Variants in MAP3K11 observed in about 807,000 individuals in gnomAD.
MAP3K11 encodes SH3 domain-containing proline-rich kinase.
Under a neutral mutation model 84.9 loss-of-function variants are expected in MAP3K11, and 46 were observed. The observed-to-expected ratio is 0.54, with a 90% CI of 0.43 to 0.69. MAP3K11 has a LOEUF of 0.69. Ranked by LOEUF, MAP3K11 falls within the 30% of genes least tolerant of loss-of-function variation. The pLI is 0.00. For missense variants in MAP3K11, 1,053 were observed against 1,198.3 expected (o/e 0.88, Z 1.79); for synonymous variants, 527 against 514.7 (o/e 1.02, Z -0.32).
chr11:65,612,907 C>G (rs1327351351), intron 1 of MAP3K11, 111 bp downstream of exon 1: 2 of 1,322,302 alleles, frequency 1.5e-6, no homozygotes, highest in Admixed American at 6.1e-5. Context: ...CTGGGACCCC[C>G]TAGGGTGGGA....
chr11:65,602,581 G>A (rs540482803), intron 8 of MAP3K11, among the ~76,000 whole-genome samples: 2 of 152,170 alleles, frequency 1.3e-5, no homozygotes, highest in South Asian at 4.1e-4. Flanking sequence ...GGGAGGTGGA[G>A]GTTGTAGTGA....
intron 2 of MAP3K11, 23 bp from the exon 3 acceptor site, chr11:65,608,093 G>T (rs752831657): frequency 6.2e-7 from 1 of 1,610,036 alleles, no homozygotes. Flanking sequence ...CAACAGGTCT[G>T]TGTTCCCTTT....
Position 65,613,626 on chromosome 11 carries a change from G to C in MAP3K11, c.131C>G (p.Pro44Arg). 6.2e-7 allele frequency: 1 copy of C among 1,612,984 alleles called. No individual in the cohort carries two copies. The highest frequency in any genetic ancestry group is 8.5e-7 in the Non-Finnish European group (1 of 1,179,992). Reference protein sequence around the residue: ...GSPKAAGYANPVWTALFDYEP... With the variant: ...GSPKAAGYANRVWTALFDYEP... ...GTAGTCGAACAGGGCTGTCCACACC[G>C]GGTTGGCATAACCCGCTGCCTTTGG... The change falls in exon 1 of 10, where the codon CCG becomes CGG. Residue 44 changes from proline to arginine, a missense_variant. Coordinates refer to ENST00000309100, the MANE Select transcript of MAP3K11 (RefSeq NM_002419.4).
In MAP3K11 at chr11:65,607,937, C is replaced by T. The variant is rs1218144252; in HGVS notation, c.1054G>A (p.Ala352Thr). 3.2e-5 allele frequency: 52 copies of T among 1,613,998 alleles called. No homozygotes were observed. The highest frequency in any genetic ancestry group is 4.1e-5 in the Non-Finnish European group (48 of 1,179,954). The change falls in exon 3 of 10, where the codon GCA (alanine) becomes ACA (threonine). Residue 352 changes from alanine to threonine, a missense_variant. Physicochemically the swap from Ala to Thr is moderately conservative, Grantham distance 58. Transcript: ENST00000309100. ...PIPSTCPEPF[A>T]QLMADCWAQD... ...GTCCTCTTACCGGCCATAAGCTGTG[C>T]GAAGGGCTCGGGGCAGGTGGATGGG... is the stretch of plus-strand genomic sequence containing the variant.
In MAP3K11 at chr11:65,612,867, T is replaced by G. The variant is rs1590859259; in HGVS notation, c.739+151A>C. 3 of 823,066 alleles carry G rather than the reference T, an allele frequency of 3.6e-6. No individual in the cohort carries two copies. In the East Asian group the frequency reaches 9.5e-5, roughly 26 times the overall value. 51.0% of individuals were successfully genotyped at this position (823,066 alleles called of 1,614,324 possible). A position where few individuals can be genotyped will look rare whatever the true frequency, so the allele number is the denominator to read the frequency against. ...GGTGCCTGGGGCTCTGTTTGGGGGC[T>G]AGCTTGAGCCCATGGGCACCCCTGG... On this transcript the variant is annotated intron_variant, in intron 1 of 9. Coordinates refer to ENST00000309100, the MANE Select transcript of MAP3K11 (RefSeq NM_002419.4).
intron 1 of MAP3K11, chr11:65,611,574 T>A (rs573898636): frequency 6.6e-6 from 1 of 152,468 alleles, no homozygotes; most frequent in East Asian, 1.9e-4. Flanking sequence ...TCCAGGCTCC[T>A]TCCTCCCGCA....
Position 65,602,006 on chromosome 11 carries a change from A to G in MAP3K11, c.1832-2238T>C, listed in dbSNP as rs1282567464. Among the ~76,000 whole-genome samples, 3 of 150,600 alleles carry G rather than the reference A, an allele frequency of 2.0e-5. No homozygotes were observed. The East Asian group carries it at 5.9e-4, about 30-fold the overall frequency. On this transcript the variant is annotated intron_variant, in intron 8 of 9. Transcript: ENST00000309100. ...ATCACGAGGTCAAGAAATCGAGACCATCCTGGCCAACATGGTGAAACCCTG... is the reference window on the plus strand; with the variant it reads ...ATCACGAGGTCAAGAAATCGAGACCGTCCTGGCCAACATGGTGAAACCCTG...
rs1250719675 is a variant in MAP3K11 at position 65,598,358 on chromosome 11, T to TG, written c.2476dup (p.Gln826ProfsTer36). ...GTCTTTGGTCTGTGCCCTGCAGTCC[T>TG]GGGGGCCCCCCTGGAAGGGGTTGGC... On this transcript the variant is annotated frameshift_variant, in exon 10 of 10. Transcript: ENST00000309100. LOFTEE classifies it high-confidence loss of function. 3.9e-6 allele frequency: 6 copies of TG among 1,539,032 alleles called. No homozygotes were observed. The highest frequency in any genetic ancestry group is 5.3e-6 in the Non-Finnish European group (6 of 1,141,046).
In MAP3K11 at chr11:65,613,535, G is replaced by A. The variant is rs17855262; in HGVS notation, c.222C>T (p.Asp74=). ...AGCCCTCGTCTCCTGAGATGGCTGC[G>A]TCCCGGGACAGCACCTCCACACGGT... The part of the protein sequence containing the change: ...KGDRVEVLSR[D]AAISGDEGWW... Residue 74 remains aspartate (D), a synonymous_variant, in exon 1 of 10, where the codon GAC becomes GAT. Coordinates refer to ENST00000309100, the MANE Select transcript of MAP3K11 (RefSeq NM_002419.4). 2.0e-3 allele frequency: 3,184 copies of A among 1,610,374 alleles called. 37 individuals carry two copies. In the East Asian group the frequency reaches 0.031, roughly 16 times the overall value.
In MAP3K11 at chr11:65,613,150, G is replaced by A; in HGVS notation, c.607C>T (p.Arg203Ter). Residue 203 changes from arginine (R) to a stop codon, truncating the protein, a stop_gained, in exon 1 of 10, where the codon CGA (arginine) becomes TGA (stop). Coordinates refer to ENST00000309100, the MANE Select transcript of MAP3K11 (RefSeq NM_002419.4). LOFTEE classifies it high-confidence loss of function. ...MEYAAGGPLSRALAGRRVPPH... is the reference protein window; with the variant it reads ...MEYAAGGPLS ...GGCACGCGCCGCCCGGCCAGAGCTC[G>A]GCTGAGGGGCCCACCGGCTGCATAC... 1.9e-6 allele frequency: 3 copies of A among 1,591,960 alleles called. No homozygotes were observed. The highest frequency in any genetic ancestry group is 1.7e-6 in the Non-Finnish European group (2 of 1,168,778).
chr11:65,609,372 G>C (rs1854546866), intron 1 of MAP3K11: 1 of 152,268 alleles, frequency 6.6e-6, no homozygotes, highest in African/African-American at 2.4e-5. Context: ...GGAAGAGAAA[G>C]GGTGGGGTCC....
At position 65,607,820 on chromosome 11, in the gene MAP3K11, G is replaced by C. The variant is rs1364616159; in HGVS notation, c.1070-4C>G. On this transcript the variant is annotated splice_polypyrimidine_tract_variant and splice_region_variant and intron_variant, in intron 3 of 9. Coordinates refer to ENST00000309100, the MANE Select transcript of MAP3K11 (RefSeq NM_002419.4). ...TGGGGGTCCTGCGCCCAGCAGTCTA[G>C]GGGCACGGCGTGCAGCGGGGACAGA... 2.5e-6 allele frequency: 4 copies of C among 1,609,226 alleles called. No homozygotes were observed. The highest frequency in any genetic ancestry group is 3.4e-6 in the Non-Finnish European group (4 of 1,176,916).
chr11:65,606,452 T>C lies in MAP3K11; in HGVS notation c.1603+239A>G, dbSNP rs2135369161. ...ATAGAATTATTGCAAGAAATTAATA[T>C]TAGCAAAGCATTTAGAAAATTAGTA... On this transcript the variant is annotated intron_variant, in intron 6 of 9. Coordinates refer to ENST00000309100, the MANE Select transcript of MAP3K11 (RefSeq NM_002419.4). 7.1e-6 allele frequency: 3 copies of C among 419,664 alleles called. No individual in the cohort carries two copies. The Admixed American group carries it at 1.3e-4, about 18-fold the overall frequency. 26.0% of individuals were successfully genotyped at this position (419,664 alleles called of 1,614,324 possible).
chr11:65,599,290 T>C (rs1854421298), intron 9 of MAP3K11, 104 bp downstream of exon 9: 6 of 1,343,546 alleles, frequency 4.5e-6, no homozygotes, highest in East Asian at 3.1e-5. Flanking sequence ...AGCTGATGAC[T>C]GTGGTCTCGG....
rs754471887 is a variant in MAP3K11 at position 65,599,655 on chromosome 11, T to C, written c.1945A>G (p.Thr649Ala). The C allele has an allele frequency of 6.5e-7, 1 of 1,549,122 alleles. No individual in the cohort carries two copies. The highest frequency in any genetic ancestry group is 1.2e-5 in the South Asian group (1 of 85,206). Residue 649 changes from threonine to alanine, a missense_variant, in exon 9 of 10, where the codon ACC (threonine) becomes GCC (alanine). Thr to Ala is a moderately conservative substitution (Grantham distance 58). This residue lies in a region of MAP3K11 where 583 missense variants were observed against 566.6 expected (regional missense o/e 1.03). Coordinates refer to ENST00000309100, the MANE Select transcript of MAP3K11 (RefSeq NM_002419.4). ...KLIQRALLRG[T>A]ALLASLGLGR... ...AGGCCCAGCGAGGCGAGCAGGGCGG[T>C]GCCGCGCAGCAGCGCCCGCTGGATC...
intron 8 of MAP3K11, among the ~76,000 whole-genome samples, chr11:65,602,134 C>G (rs931040043): frequency 7.2e-6 from 1 of 138,176 alleles, no homozygotes; most frequent in Non-Finnish European, 1.5e-5. Context: ...ACCCAGGAGG[C>G]GGAGGTTACA....
intron 1 of MAP3K11, chr11:65,612,793 G>C: frequency 2.4e-6 from 1 of 424,166 alleles, no homozygotes; most frequent in South Asian, 9.5e-5. Context: ...AACCGCAGCT[G>C]CAGGCTGGGG....
chr11:65,607,637 G>T lies in MAP3K11; in HGVS notation c.1245+4C>A. ...CCAACGCTGGGTCCCTTGATTCCTC[G>T]CACCTTTTCCTTGGCTCGCAGCTCG... On this transcript the variant is annotated splice_donor_region_variant and intron_variant, in intron 4 of 9. Coordinates refer to ENST00000309100, the MANE Select transcript of MAP3K11 (RefSeq NM_002419.4). 1 of 1,600,814 alleles carries T rather than the reference G, an allele frequency of 6.2e-7. No individual in the cohort carries two copies.
At chr11:65,604,708 A>C (rs1200722643) in intron 8 of MAP3K11, among the ~76,000 whole-genome samples, 1 of 151,570 alleles carries the variant, frequency 6.6e-6, no homozygotes, top group Non-Finnish European at 1.5e-5. Flanking sequence ...TAGCTCAGGG[A>C]ATGGAAGAGG....
Sources: allele counts gnomAD v4.1 joint callset (sites outside exome capture counted in the v4.1 genomes callset), GRCh38; gene constraint gnomAD v4.1.1; regional missense constraint gnomAD v4.1.1; transcripts MANE v1.5; gene names NCBI Gene and HGNC (gene_info 2026-07-23, HGNC 2026-07-21).